CAMKMT: variants seen among roughly 807,000 people sequenced by gnomAD.
CAMKMT encodes the protein CaM KMT.
In CAMKMT, 53 loss-of-function variants were observed where a neutral mutation model predicts 48.0. The observed-to-expected ratio is 1.10, with a 90% CI of 0.89 to 1.39. The LOEUF (loss-of-function observed/expected upper bound fraction) is 1.39. Among genes scored for constraint, CAMKMT ranks in the 40% most tolerant of loss-of-function variants. CAMKMT has a pLI of 0.00. For missense variants in CAMKMT, 428 were observed against 402.7 expected, an observed-to-expected ratio of 1.06 and a Z score of -0.54; for synonymous variants, 165 against 152.3, an observed-to-expected ratio of 1.08 and a Z score of -0.61.
chr2:44,526,904 A>G (rs1205247375), intron 3 of CAMKMT, among the ~76,000 whole-genome samples: 2 of 152,036 alleles, frequency 1.3e-5, no homozygotes, highest in Non-Finnish European at 2.9e-5. Flanking sequence ...CATACCATAC[A>G]ATTAATCCCT....
At chr2:44,407,475 CCCCTTTCACAG>C (rs1453802261) in intron 3 of CAMKMT, among the ~76,000 whole-genome samples, 1 of 152,100 alleles carries the variant, frequency 6.6e-6, no homozygotes. Context: ...TGGGTTTTCT[CCCCTTTCACAG>C]CAGCAGGTGT....
Position 44,495,116 on chromosome 2 carries a change from A to C in CAMKMT, c.376+104811A>C, listed in dbSNP as rs540975115. Among the ~76,000 whole-genome samples the C allele has an allele frequency of 8.6e-4, 131 of 152,270 alleles. 1 individual carries two copies. The highest frequency in any genetic ancestry group is 3.1e-3 in the African/African-American group (129 of 41,554). ...ATCTCACTACTTTTTTAAAGAAATA[A>C]ATGCCTCTGCAATCTTTCTAAAAAT... On this transcript the variant is annotated intron_variant, in intron 3 of 10. Transcript: ENST00000378494.
chr2:44,510,287 G>A (rs1670474053), intron 3 of CAMKMT, among the ~76,000 whole-genome samples: 1 of 152,170 alleles, frequency 6.6e-6, no homozygotes, highest in African/African-American at 2.4e-5. Context: ...ATACTTTAAA[G>A]AGTACTAGTC....
At chr2:44,547,069 G>A (rs1171864988) in intron 3 of CAMKMT, among the ~76,000 whole-genome samples, 6 of 152,148 alleles carry the variant, frequency 3.9e-5, no homozygotes, top group African/African-American at 1.4e-4. Flanking sequence ...GGTCCTGAGG[G>A]TGGGGAAGAA....
At chr2:44,768,526 C>A (rs1019887224) in intron 10 of CAMKMT, among the ~76,000 whole-genome samples, 175 of 151,952 alleles carry the variant, frequency 1.2e-3, no homozygotes, top group African/African-American at 4.0e-3. Flanking sequence ...AGAAGGAGCT[C>A]GCCCAGAGGC....
At chr2:44,766,671 G>A (rs1680855047) in intron 10 of CAMKMT, 110 bp downstream of exon 10, 2 of 1,175,668 alleles carry the variant, frequency 1.7e-6, no homozygotes, top group African/African-American at 1.5e-5. Flanking sequence ...CTCCTTAGAT[G>A]TGTTGCTTCT....
chr2:44,540,649 G>A (rs1306329240), intron 3 of CAMKMT, among the ~76,000 whole-genome samples: 4 of 152,200 alleles, frequency 2.6e-5, no homozygotes, highest in Non-Finnish European at 5.9e-5. Context: ...TACTTGGGAG[G>A]CTGAGGTGGG....
chr2:44,553,171 A>G (rs1408383219), intron 3 of CAMKMT, among the ~76,000 whole-genome samples: 2 of 152,194 alleles, frequency 1.3e-5, no homozygotes, highest in African/African-American at 4.8e-5. Context: ...CCTGTAATTG[A>G]CCAATACGAT....
chr2:44,535,109 T>C (rs1318896405), intron 3 of CAMKMT, among the ~76,000 whole-genome samples: 1 of 152,050 alleles, frequency 6.6e-6, no homozygotes, highest in East Asian at 1.9e-4. Flanking sequence ...TCAGAGGCTA[T>C]TATGAACAAC....
chr2:44,378,783 C>T (rs1301435930), intron 2 of CAMKMT, among the ~76,000 whole-genome samples: 8 of 152,174 alleles, frequency 5.3e-5, no homozygotes, highest in African/African-American at 9.7e-5. Flanking sequence ...TGAGCCACCG[C>T]GCCTGGCCTA....
intron 3 of CAMKMT, among the ~76,000 whole-genome samples, chr2:44,488,688 G>A (rs920027433): frequency 5.3e-5 from 8 of 151,522 alleles, no homozygotes; most frequent in African/African-American, 1.5e-4. Flanking sequence ...GGTGACAAGC[G>A]AGATCCTCTC....
intron 3 of CAMKMT, among the ~76,000 whole-genome samples, chr2:44,466,942 A>G (rs770947994): frequency 1.4e-4 from 21 of 152,304 alleles, no homozygotes; most frequent in Non-Finnish European, 2.6e-4. Context: ...TAACCTACCA[A>G]GACTGAATCA....
chr2:44,754,020 G>T, intron 8 of CAMKMT, 35 bp from the exon 9 acceptor site: 1 of 1,574,730 alleles, frequency 6.4e-7, no homozygotes, highest in South Asian at 1.1e-5. Context: ...TGAAAACCCA[G>T]TTTAATCTGG....
Position 44,657,431 on chromosome 2 carries a change from C to T in CAMKMT, c.377-46852C>T, listed in dbSNP as rs545243753. The stretch of plus-strand genomic sequence containing the variant: ...CCTGAAGTTCAGAATGACTCTTCCA[C>T]CCTCCCTATGAAAGGATTGGCAGAT... On this transcript the variant is annotated intron_variant, in intron 3 of 10. Coordinates refer to ENST00000378494, the MANE Select transcript of CAMKMT (RefSeq NM_024766.5). The surrounding 1 kb of genome is among the most constrained non-coding windows in gnomAD (Gnocchi z 4.3). Among the ~76,000 whole-genome samples the T allele has an allele frequency of 7.9e-5, 12 of 152,264 alleles. No individual in the cohort carries two copies. The highest frequency in any genetic ancestry group is 1.8e-4 in the Non-Finnish European group (12 of 68,012).
intron 3 of CAMKMT, among the ~76,000 whole-genome samples, chr2:44,606,522 A>G: frequency 6.6e-6 from 1 of 152,198 alleles, no homozygotes; most frequent in Non-Finnish European, 1.5e-5. Flanking sequence ...ATTTTAGCCT[A>G]TCAGTAGTGA....
intron 3 of CAMKMT, 135 bp downstream of exon 3, chr2:44,390,440 A>G: frequency 1.7e-6 from 1 of 571,530 alleles, no homozygotes. Context: ...AGAAAGTTTG[A>G]CTGTCTTTAG....
At chr2:44,712,777 A>G (rs775071674) in intron 6 of CAMKMT, among the ~76,000 whole-genome samples, 21 of 152,188 alleles carry the variant, frequency 1.4e-4, no homozygotes, top group Non-Finnish European at 2.8e-4. Context: ...TATCCTGGAC[A>G]TATCGACTCA....
At chr2:44,638,182 G>T (rs1221639327) in intron 3 of CAMKMT, among the ~76,000 whole-genome samples, 1 of 152,026 alleles carries the variant, frequency 6.6e-6, no homozygotes, top group Non-Finnish European at 1.5e-5. Context: ...TTCAACTATG[G>T]TTTCATCTTC....
intron 3 of CAMKMT, among the ~76,000 whole-genome samples, chr2:44,465,664 T>C (rs771487878): frequency 2.0e-5 from 3 of 151,944 alleles, no homozygotes; most frequent in Non-Finnish European, 2.9e-5. Flanking sequence ...GTAAGTTCCA[T>C]GGGAACGGTG....
Sources: gnomAD v4.1 joint callset for allele counts (sites outside exome capture counted in the v4.1 genomes callset) on GRCh38, gnomAD v4.1.1 for gene constraint, Gnocchi (gnomAD v3.1) non-coding constraint, MANE v1.5 for transcripts, NCBI Gene and HGNC (gene_info 2026-07-23, HGNC 2026-07-21) for gene names.